The following POLN variants were observed in gnomAD, a reference collection of about 807,000 sequenced individuals.
The protein encoded by POLN is DNA polymerase nu.
POLN carries 108 observed loss-of-function variants against 113.5 expected under a neutral mutation model. The observed-to-expected ratio is 0.95, with a 90% CI of 0.81 to 1.12. POLN has a LOEUF of 1.12. Among genes scored for constraint, POLN ranks in the 50% most tolerant of loss-of-function variants. The pLI, the probability that POLN is intolerant of heterozygous loss-of-function variation, is 0.00. For missense variants in POLN, 1,097 were observed against 1,077.1 expected, an observed-to-expected ratio of 1.02 and a Z score of -0.26; for synonymous variants, 386 against 391.5, an observed-to-expected ratio of 0.99 and a Z score of 0.17.
intron 16 of POLN, among the ~76,000 whole-genome samples, chr4:2,144,735 T>G (rs1401941891): frequency 6.6e-6 from 1 of 152,194 alleles, no homozygotes; most frequent in African/African-American, 2.4e-5. Flanking sequence ...AGTCCCTGGT[T>G]TTACTCTTTC....
At chr4:2,143,645 T>C (rs1732060570) in intron 16 of POLN, among the ~76,000 whole-genome samples, 1 of 152,176 alleles carries the variant, frequency 6.6e-6, no homozygotes, top group Admixed American at 6.6e-5. Flanking sequence ...AATTCCACGA[T>C]ATCTCCCAAA....
intron 17 of POLN, among the ~76,000 whole-genome samples, chr4:2,129,523 G>A (rs1731668605): frequency 6.6e-6 from 1 of 151,912 alleles, no homozygotes; most frequent in African/African-American, 2.4e-5. Context: ...CAAAGCAGCT[G>A]GGACTACAGG....
In POLN at chr4:2,213,068, C is replaced by T; in HGVS notation, c.192G>A (p.Lys64=). Residue 64 remains lysine, a synonymous_variant, in exon 4 of 26, where the codon AAG becomes AAA. Coordinates refer to ENST00000511885, the MANE Select transcript of POLN (RefSeq NM_181808.4). ...VKYSVQLEDR[K]TQSPEKKDLK... is the part of the protein sequence containing the mutation. ...TTACCTTTTTTTCTGGTGATTGAGTCTTCCTGTCTTCAAGTTGTACTGAAT... is the reference window on the plus strand; with the variant it reads ...TTACCTTTTTTTCTGGTGATTGAGTTTTCCTGTCTTCAAGTTGTACTGAAT... The T allele has an allele frequency of 6.2e-7, 1 of 1,609,010 alleles. No homozygotes were observed. The highest frequency in any genetic ancestry group is 1.1e-5 in the South Asian group (1 of 90,000).
intron 5 of POLN, among the ~76,000 whole-genome samples, chr4:2,205,020 G>A (rs1733809352): frequency 6.6e-6 from 1 of 152,166 alleles, no homozygotes; most frequent in Non-Finnish European, 1.5e-5. Context: ...CTCACCCTGA[G>A]AACTGGAACA....
chr4:2,113,034 C>T (rs1577699945), intron 19 of POLN, among the ~76,000 whole-genome samples: 2 of 151,998 alleles, frequency 1.3e-5, no homozygotes, highest in Admixed American at 1.3e-4. Flanking sequence ...AGCACATATA[C>T]ACCATGGAAT....
chr4:2,075,682 T>C (rs1730258444), intron 23 of POLN, among the ~76,000 whole-genome samples, 163 bp from the exon 24 acceptor site: 1 of 151,952 alleles, frequency 6.6e-6, no homozygotes, highest in South Asian at 2.1e-4. Flanking sequence ...TTCTGAAAGG[T>C]GGTTCTGGCA....
chr4:2,132,758 G>A (rs1435162845), intron 16 of POLN, among the ~76,000 whole-genome samples: 1 of 152,214 alleles, frequency 6.6e-6, no homozygotes, highest in East Asian at 1.9e-4. Context: ...GAATGAAGGT[G>A]AGTGAAAGAC....
chr4:2,240,811 T>A, intron 2 of POLN: 2 of 1,613,892 alleles, frequency 1.2e-6, no homozygotes, highest in Non-Finnish European at 1.7e-6. Context: ...TCATTCACAT[T>A]CCCACAAAAC....
At chr4:2,224,780 G>A (rs572356819) in intron 3 of POLN, among the ~76,000 whole-genome samples, 1 of 152,070 alleles carries the variant, frequency 6.6e-6, no homozygotes, top group South Asian at 2.1e-4. Flanking sequence ...GTGAAACCCT[G>A]CCTCCACTAA....
chr4:2,087,477 C>T (rs1730575766), intron 20 of POLN, among the ~76,000 whole-genome samples: 1 of 152,198 alleles, frequency 6.6e-6, no homozygotes, highest in African/African-American at 2.4e-5. Context: ...CAAGTCTTTT[C>T]TCACCTCCAA....
chr4:2,144,887 G>A (rs923969284), intron 16 of POLN, among the ~76,000 whole-genome samples: 1 of 152,148 alleles, frequency 6.6e-6, no homozygotes, highest in African/African-American at 2.4e-5. Flanking sequence ...TTAGGTAGTC[G>A]ACACTCTGGG....
At chr4:2,100,223 G>A (rs898014734) in intron 19 of POLN, among the ~76,000 whole-genome samples, 3 of 152,108 alleles carry the variant, frequency 2.0e-5, no homozygotes, top group Admixed American at 1.3e-4. Context: ...GTGGGCTTAT[G>A]GAAATCTGGT....
At chr4:2,205,797 C>T (rs1327216995) in intron 5 of POLN, among the ~76,000 whole-genome samples, 1 of 151,638 alleles carries the variant, frequency 6.6e-6, no homozygotes, top group Non-Finnish European at 1.5e-5. Context: ...ATCACTTGAA[C>T]CCAGGAGGCA....
At chr4:2,129,895 T>C (rs965672251) in intron 17 of POLN, among the ~76,000 whole-genome samples, 3 of 152,048 alleles carry the variant, frequency 2.0e-5, no homozygotes, top group African/African-American at 7.2e-5. Context: ...CAGCAGGGGA[T>C]GAAGCTGCTC....
chr4:2,197,648 T>C (rs1733614156), intron 6 of POLN, among the ~76,000 whole-genome samples: 1 of 152,238 alleles, frequency 6.6e-6, no homozygotes, highest in South Asian at 2.1e-4. Context: ...TGACCAGTTG[T>C]TCTTTAAAGA....
chr4:2,144,560 C>G (rs151112225), intron 16 of POLN, among the ~76,000 whole-genome samples: 33 of 152,226 alleles, frequency 2.2e-4, no homozygotes, highest in African/African-American at 7.0e-4. Context: ...AACACATAAC[C>G]TACAAATAAT....
intron 4 of POLN, among the ~76,000 whole-genome samples, chr4:2,212,398 T>A (rs534584675): frequency 1.3e-5 from 2 of 152,170 alleles, no homozygotes; most frequent in African/African-American, 2.4e-5. Context: ...TTTTAGACAC[T>A]GAGTCTTGCT....
chr4:2,238,701 T>C (rs1734854935), intron 2 of POLN: 1 of 1,612,980 alleles, frequency 6.2e-7, no homozygotes, highest in Middle Eastern at 1.7e-4. Context: ...TTGTAGAGCA[T>C]CATGTTACTT....
chr4:2,202,634 G>A (rs111529562), intron 5 of POLN, among the ~76,000 whole-genome samples: 49 of 142,338 alleles, frequency 3.4e-4, no homozygotes, highest in African/African-American at 1.2e-3. Flanking sequence ...TGAGACAGGA[G>A]AATTGCTTGA....
Sources: allele counts gnomAD v4.1 joint callset (sites outside exome capture counted in the v4.1 genomes callset), GRCh38; gene constraint gnomAD v4.1.1; transcripts MANE v1.5; gene names NCBI Gene and HGNC (gene_info 2026-07-23, HGNC 2026-07-21).